The following BABAM2 variants were observed in gnomAD, a reference collection of about 807,000 sequenced individuals.
BABAM2 encodes BRISC and BRCA1 A complex member 2, also known as BRISC and BRCA1-A complex member 2.
BABAM2 carries 31 observed loss-of-function variants against 54.7 expected under a neutral mutation model. That is an observed-to-expected ratio of 0.57 (90% CI 0.43 to 0.77). The LOEUF is 0.77. Among genes scored for constraint, BABAM2 ranks in the 30% least tolerant of loss-of-function variants. BABAM2 has a pLI of 0.00. For missense variants in BABAM2, 364 were observed against 455.8 expected, an observed-to-expected ratio of 0.80 and a Z score of 1.83; for synonymous variants, 167 against 162.9, an observed-to-expected ratio of 1.03 and a Z score of -0.19.
intron 3 of BABAM2, among the ~76,000 whole-genome samples, chr2:27,961,279 A>G (rs951680890): frequency 6.6e-6 from 1 of 152,204 alleles, no homozygotes; most frequent in Non-Finnish European, 1.5e-5. Context: ...CAAACTTACA[A>G]TGGTTCAACT....
At chr2:28,159,300 GTAAC>G (rs374680095) in intron 7 of BABAM2, among the ~76,000 whole-genome samples, 193 of 152,290 alleles carry the variant, frequency 1.3e-3, no homozygotes, top group Admixed American at 5.1e-3. Flanking sequence ...AGGCACAGAA[GTAAC>G]TAACTTGGAC....
At chr2:27,950,955 T>TA (rs889346149) in intron 3 of BABAM2, among the ~76,000 whole-genome samples, 3 of 152,202 alleles carry the variant, frequency 2.0e-5, no homozygotes, top group Non-Finnish European at 2.9e-5. Context: ...AAATTTTTTT[T>TA]ATTCTTTTAA....
At chr2:28,298,812 C>A (rs1326748996) in intron 11 of BABAM2, among the ~76,000 whole-genome samples, 1 of 151,986 alleles carries the variant, frequency 6.6e-6, no homozygotes, top group Non-Finnish European at 1.5e-5. Context: ...TTCTGTTGGT[C>A]TCTAAAATTA....
At chr2:27,935,134 T>G (rs1473683970) in intron 3 of BABAM2, among the ~76,000 whole-genome samples, 1 of 152,226 alleles carries the variant, frequency 6.6e-6, no homozygotes, top group Non-Finnish European at 1.5e-5. Flanking sequence ...ACTTTCTGAT[T>G]AGGGACAAAG....
chr2:28,313,106 G>A (rs1434440544), intron 11 of BABAM2, among the ~76,000 whole-genome samples: 1 of 152,204 alleles, frequency 6.6e-6, no homozygotes, highest in Non-Finnish European at 1.5e-5. Context: ...CCTGGCATGG[G>A]TGCCTTCTTC....
intron 6 of BABAM2, among the ~76,000 whole-genome samples, chr2:28,100,084 C>T (rs899274801): frequency 6.6e-6 from 1 of 151,954 alleles, no homozygotes; most frequent in Non-Finnish European, 1.5e-5. Context: ...ATTATTTTCT[C>T]TTTTTCTAAA....
chr2:27,960,068 G>A (rs1670361994), intron 3 of BABAM2, among the ~76,000 whole-genome samples: 1 of 151,788 alleles, frequency 6.6e-6, no homozygotes, highest in African/African-American at 2.4e-5. Context: ...TGGATTACTG[G>A]ACTTGCTTTT....
chr2:27,992,253 A>C (rs1481090635), intron 4 of BABAM2, among the ~76,000 whole-genome samples: 5 of 152,164 alleles, frequency 3.3e-5, no homozygotes, highest in Admixed American at 2.6e-4. Context: ...CAGTTGTAAG[A>C]GTTCTTTATT....
rs919185077 is a variant in BABAM2 at position 28,187,831 on chromosome 2, G to A, written c.681-49371G>A. On this transcript the variant is annotated intron_variant, in intron 7 of 11. Transcript: ENST00000379624. Reference sequence around the variant, plus strand: ...TTACAGGGTCACACCACCACGCCCGGTTTATTTTTTGTTTTTAGTAGAGAC... The same window carrying A: ...TTACAGGGTCACACCACCACGCCCGATTTATTTTTTGTTTTTAGTAGAGAC... Among the ~76,000 whole-genome samples the A allele has an allele frequency of 5.9e-5, 9 of 152,024 alleles. No individual in the cohort carries two copies. The East Asian group carries it at 1.7e-3, about 29-fold the overall frequency.
At chr2:27,942,831 A>ATTT (rs1558606458) in intron 3 of BABAM2, among the ~76,000 whole-genome samples, 15 of 48,460 alleles carry the variant, frequency 3.1e-4, no homozygotes, top group South Asian at 1.9e-3. Context: ...TTTATTTATT[A>ATTT]AGACAGGGTC....
At chr2:28,139,872 G>T (rs72814477) in intron 7 of BABAM2, among the ~76,000 whole-genome samples, 14,902 of 152,144 alleles carry the variant, frequency 0.098, 1,268 homozygotes, top group African/African-American at 0.23. Context: ...CTCTAAACAG[G>T]ACTGGTAACT....
Position 28,076,481 on chromosome 2 carries a change from T to TTATTTAG in BABAM2, c.570+30683_570+30684insATTTAGT, listed in dbSNP as rs1664685021. Reference sequence around the variant, plus strand: ...TTATATTTATTTATTTATTTATTTATTTAGTTAGTTAGTTAGTTAGTTAGT... The same window carrying TTATTTAG: ...TTATATTTATTTATTTATTTATTTATTATTTAGTTAGTTAGTTAGTTAGTTAGTTAGT... On this transcript the variant is annotated intron_variant, in intron 6 of 11. Coordinates refer to ENST00000379624, the MANE Select transcript of BABAM2 (RefSeq NM_199191.3). Among the ~76,000 whole-genome samples the TTATTTAG allele has an allele frequency of 4.8e-5, 7 of 146,530 alleles. No individual in the cohort carries two copies. The East Asian group carries it at 9.9e-4, about 21-fold the overall frequency.
intron 11 of BABAM2, among the ~76,000 whole-genome samples, chr2:28,331,335 T>C (rs13036069): frequency 0.019 from 2,847 of 152,204 alleles, 43 homozygotes; most frequent in Non-Finnish European, 0.029. Context: ...CTAATTAAAC[T>C]AAAGAGCTTC....
intron 7 of BABAM2, among the ~76,000 whole-genome samples, chr2:28,145,333 C>T (rs1178397970): frequency 6.6e-6 from 1 of 152,180 alleles, no homozygotes; most frequent in Non-Finnish European, 1.5e-5. Flanking sequence ...TATTTGGCTC[C>T]AGCCTCCCCT....
chr2:28,159,860 A>T (rs989588850), intron 7 of BABAM2, among the ~76,000 whole-genome samples: 13 of 151,558 alleles, frequency 8.6e-5, no homozygotes, highest in African/African-American at 1.5e-4. Context: ...TGGGCGACAG[A>T]GCAAAACTCC....
intron 3 of BABAM2, among the ~76,000 whole-genome samples, chr2:27,984,862 G>A (rs1490956024): frequency 2.0e-5 from 3 of 151,642 alleles, no homozygotes; most frequent in African/African-American, 7.3e-5. Context: ...CCTTTCCCTC[G>A]AGTCCCCAAA....
At chr2:28,071,801 T>A (rs962678719) in intron 6 of BABAM2, among the ~76,000 whole-genome samples, 2 of 152,210 alleles carry the variant, frequency 1.3e-5, no homozygotes, top group African/African-American at 4.8e-5. Context: ...TAATTTGAAC[T>A]TATGACTTTA....
chr2:27,980,660 G>T (rs930925972), intron 3 of BABAM2, among the ~76,000 whole-genome samples: 1 of 151,820 alleles, frequency 6.6e-6, no homozygotes, highest in Non-Finnish European at 1.5e-5. Context: ...TCTTTGTTTT[G>T]AAAAATATTT....
chr2:28,173,792 T>C (rs1674625356), intron 7 of BABAM2, among the ~76,000 whole-genome samples: 1 of 152,276 alleles, frequency 6.6e-6, no homozygotes, highest in Non-Finnish European at 1.5e-5. Context: ...AAGAAATCAG[T>C]GACAGCTTTG....
Sources: allele counts gnomAD v4.1 joint callset (sites outside exome capture counted in the v4.1 genomes callset), GRCh38; gene constraint gnomAD v4.1.1; transcripts MANE v1.5; gene names NCBI Gene and HGNC (gene_info 2026-07-23, HGNC 2026-07-21).